Variants in ALDH1L2 observed in about 807,000 individuals in gnomAD.
The protein encoded by ALDH1L2 is aldehyde dehydrogenase 1 family member L2, also known as mitochondrial 10-formyltetrahydrofolate dehydrogenase.
Under a neutral mutation model 111.0 loss-of-function variants are expected in ALDH1L2, and 91 were observed. The observed-to-expected ratio is 0.82, with a 90% confidence interval of 0.69 to 0.98. The LOEUF (loss-of-function observed/expected upper bound fraction) is 0.98. ALDH1L2 is among the 50% of genes least tolerant of loss of function. The probability of loss-of-function intolerance (pLI) is 0.00; values close to 1 mark genes in which losing one functional copy is unlikely to be tolerated. For synonymous variants in ALDH1L2, 374 were observed against 392.6 expected, an observed-to-expected ratio of 0.95 and a Z score of 0.56; for missense variants, 995 against 1,126.8, an observed-to-expected ratio of 0.88 and a Z score of 1.67.
Position 105,052,827 on chromosome 12 carries a change from G to A in ALDH1L2, c.1392C>T (p.Asn464=). Residue 464 remains asparagine (N), a synonymous_variant, in exon 11 of 23, where the codon AAC becomes AAT. Transcript: ENST00000258494. ...ADDGKTYDTI[N]PTDGSTICKV... is the part of the protein sequence containing the mutation. ...AATTACTCACAGATCCATCTGTTGGGTTGATAGTGTCGTAAGTCTTTCCAT... is the reference window on the plus strand; with the variant it reads ...AATTACTCACAGATCCATCTGTTGGATTGATAGTGTCGTAAGTCTTTCCAT... 1.2e-6 allele frequency: 2 copies of A among 1,614,102 alleles called. No homozygotes were observed. Among genetic ancestry groups the A allele is most frequent in the Non-Finnish European group, 1.7e-6 (2 of 1,179,992 alleles).
chr12:105,048,738 A>AT (rs1876069545), intron 13 of ALDH1L2: 1 of 152,108 alleles, frequency 6.6e-6, no homozygotes, highest in African/African-American at 2.4e-5. Flanking sequence ...TCTTTAAAAA[A>AT]ATTTTTTTTT....
chr12:105,070,377 A>G (rs543073596), intron 3 of ALDH1L2, 193 bp downstream of exon 3: 28 of 583,798 alleles, frequency 4.8e-5, no homozygotes, highest in Non-Finnish European at 8.2e-5. Context: ...CAGAAAGAAT[A>G]TAGGCAATTG....
At chr12:105,078,618 C>T (rs1439622936) in intron 1 of ALDH1L2, among the ~76,000 whole-genome samples, 3 of 152,142 alleles carry the variant, frequency 2.0e-5, no homozygotes, top group African/African-American at 7.2e-5. Flanking sequence ...ACCTGTTTGG[C>T]CTCTGTGGGA....
chr12:105,084,242 G>C, intron 1 of ALDH1L2, 147 bp downstream of exon 1: 3 of 992,058 alleles, frequency 3.0e-6, no homozygotes. Flanking sequence ...TTGTTTGTTT[G>C]TTTGTTTGTT....
intron 2 of ALDH1L2, among the ~76,000 whole-genome samples, chr12:105,073,108 C>T (rs1877834048): frequency 6.6e-6 from 1 of 152,234 alleles, no homozygotes; most frequent in Non-Finnish European, 1.5e-5. Flanking sequence ...CAACTACTGT[C>T]AATGCTTCCT....
intron 22 of ALDH1L2, 137 bp from the exon 23 acceptor site, chr12:105,024,616 C>G (rs1273078565): frequency 2.5e-6 from 2 of 805,738 alleles, no homozygotes; most frequent in South Asian, 1.6e-5. Context: ...GCTTCTCACA[C>G]TTTGAAGTTC....
intron 15 of ALDH1L2, among the ~76,000 whole-genome samples, chr12:105,043,586 A>T (rs1875670190): frequency 6.6e-6 from 1 of 152,258 alleles, no homozygotes; most frequent in South Asian, 2.1e-4. Context: ...GTATGAAACC[A>T]TCATAATTAG....
chr12:105,045,164 A>G (rs182211772), intron 15 of ALDH1L2, among the ~76,000 whole-genome samples: 198 of 152,144 alleles, frequency 1.3e-3, no homozygotes, highest in African/African-American at 4.5e-3. Context: ...GCTCACTGCA[A>G]CCTCTGCCTC....
intron 18 of ALDH1L2, among the ~76,000 whole-genome samples, chr12:105,035,231 A>G (rs1376654894): frequency 6.6e-6 from 1 of 152,008 alleles, no homozygotes; most frequent in Non-Finnish European, 1.5e-5. Context: ...AGATTATTCT[A>G]TACATTTAAA....
At chr12:105,068,234 T>C (rs1877489808) in intron 4 of ALDH1L2, among the ~76,000 whole-genome samples, 1 of 152,280 alleles carries the variant, frequency 6.6e-6, no homozygotes, top group Middle Eastern at 3.4e-3. Context: ...TAGGCTAATA[T>C]TGCAATATTT....
intron 6 of ALDH1L2, among the ~76,000 whole-genome samples, chr12:105,064,250 G>A (rs1356364243): frequency 6.7e-6 from 1 of 149,080 alleles, no homozygotes; most frequent in African/African-American, 2.5e-5. Flanking sequence ...CCAAAGTGCT[G>A]GGATTACAGG....
chr12:105,078,847 G>T (rs1005830676), intron 1 of ALDH1L2, among the ~76,000 whole-genome samples: 6 of 152,164 alleles, frequency 3.9e-5, no homozygotes, highest in African/African-American at 1.2e-4. Flanking sequence ...AAAGGGAGAG[G>T]CTTGGGAAGT....
At chr12:105,057,345 T>A (rs552853363) in intron 10 of ALDH1L2, among the ~76,000 whole-genome samples, 42 of 152,068 alleles carry the variant, frequency 2.8e-4, no homozygotes, top group Non-Finnish European at 3.7e-4. Context: ...CGGAAAACAG[T>A]TTGGCAGTTA....
chr12:105,055,738 A>G (rs922461941), intron 10 of ALDH1L2, among the ~76,000 whole-genome samples: 2 of 152,208 alleles, frequency 1.3e-5, no homozygotes, highest in African/African-American at 2.4e-5. Context: ...ATGAAGAGAT[A>G]AAAATTATTT....
intron 13 of ALDH1L2, 181 bp downstream of exon 13, chr12:105,049,727 C>G (rs1876132929): frequency 3.1e-6 from 2 of 646,376 alleles, no homozygotes. Context: ...GAATAAATTT[C>G]TGTTCTTTAT....
chr12:105,084,335 G>A, intron 1 of ALDH1L2, 54 bp downstream of exon 1: 3 of 1,498,356 alleles, frequency 2.0e-6, no homozygotes, highest in Non-Finnish European at 2.7e-6. Context: ...CCGCCCCGGA[G>A]TCTGGAAACC....
chr12:105,050,060 T>G lies in ALDH1L2; in HGVS notation c.1536-2A>C. On this transcript the variant is annotated splice_acceptor_variant, in intron 12 of 22. Transcript: ENST00000258494. LOFTEE classifies it high-confidence loss of function. ...TTCTCTTCCAGTAGGTCTGCAAGTC[T>G]GTGTGGTCAGTGAAAGAAATAAATT... is the stretch of plus-strand genomic sequence containing the variant. 1 of 1,582,216 alleles carries G rather than the reference T, an allele frequency of 6.3e-7. No individual in the cohort carries two copies. The highest frequency in any genetic ancestry group is 8.6e-7 in the Non-Finnish European group (1 of 1,165,086).
chr12:105,036,513 TTTATATATA>T lies in ALDH1L2; in HGVS notation c.2145+1581_2145+1589del, dbSNP rs1875125928. On this transcript the variant is annotated intron_variant, in intron 18 of 22. Transcript: ENST00000258494. ...TATATTTATATATGTATATATATAT[TTTATATATA>T]TATATATATATATATATATATATAT... 1.2e-3 allele frequency among the ~76,000 whole-genome samples: 63 copies of T among 53,844 alleles called. 4 individuals carry two copies. Among genetic ancestry groups the T allele is most frequent in the Non-Finnish European group, 1.7e-3 (48 of 28,212 alleles). The allele number at this position is 53,844 out of a possible 152,430, so 35.3% of individuals were successfully genotyped here.
At chr12:105,036,944 A>G (rs2136056824) in intron 18 of ALDH1L2, among the ~76,000 whole-genome samples, 1 of 152,194 alleles carries the variant, frequency 6.6e-6, no homozygotes, top group East Asian at 1.9e-4. Context: ...CCCTGGCCGC[A>G]GGGGTACTTG....
Sources: allele counts gnomAD v4.1 joint callset (sites outside exome capture counted in the v4.1 genomes callset), GRCh38; gene constraint gnomAD v4.1.1; transcripts MANE v1.5; gene names NCBI Gene and HGNC (gene_info 2026-07-23, HGNC 2026-07-21).